Variants in ACTR8 observed in about 807,000 individuals in gnomAD.
ACTR8 encodes the protein actin related protein 8, also known as actin-related protein 8.
A neutral mutation model predicts 84.3 loss-of-function variants in ACTR8; 70 were observed. The observed-to-expected ratio is 0.83, with a 90% CI of 0.68 to 1.01. The LOEUF is 1.01. ACTR8 is among the 50% of genes least tolerant of loss of function. The pLI is 0.00. For synonymous variants in ACTR8, 268 were observed against 275.2 expected (o/e 0.97, Z 0.26); for missense variants, 672 against 775.4 (o/e 0.87, Z 1.58).
Position 53,873,028 on chromosome 3 carries a change from T to C in ACTR8, c.1161+4A>G, listed in dbSNP as rs1388646036. 3 of 1,603,204 alleles carry C rather than the reference T, an allele frequency of 1.9e-6. No homozygotes were observed. Among genetic ancestry groups the C allele is most frequent in the Non-Finnish European group, 1.7e-6 (2 of 1,172,164 alleles). ...ACCCATGGAAACAGATACCTATAAG[T>C]TACCTGCAGTTTTTCATCTCCTAAT... On this transcript the variant is annotated splice_donor_region_variant and intron_variant, in intron 9 of 12. Transcript: ENST00000335754.
chr3:53,874,488 G>A, intron 7 of ACTR8, 124 bp from the exon 8 acceptor site: 2 of 954,960 alleles, frequency 2.1e-6, no homozygotes, highest in Non-Finnish European at 3.0e-6. Flanking sequence ...ACTTTGGGAG[G>A]CTGAGATGAG....
At chr3:53,862,055 G>T in the ACTR8 span, among the ~76,000 whole-genome samples, 1 of 152,150 alleles carries the variant, frequency 6.6e-6, no homozygotes, top group African/African-American at 2.4e-5. Flanking sequence ...CAATAAGAAG[G>T]CCTGGACACT....
intron 3 of ACTR8, 25 bp downstream of exon 3, chr3:53,878,331 GA>G: frequency 6.8e-7 from 1 of 1,466,502 alleles, no homozygotes; most frequent in Non-Finnish European, 9.6e-7. Flanking sequence ...GGTGATAAAA[GA>G]ATAAATCTGA....
chr3:53,866,087 T>C (rs527853942), downstream of ACTR8, among the ~76,000 whole-genome samples: 2 of 152,372 alleles, frequency 1.3e-5, no homozygotes, highest in East Asian at 1.9e-4. Flanking sequence ...TGAGTTATTA[T>C]AATGGTTTAC....
downstream of ACTR8, chr3:53,864,863 T>C: frequency 1.9e-6 from 3 of 1,614,232 alleles, no homozygotes; most frequent in Non-Finnish European, 2.5e-6. Flanking sequence ...ACTGAATTTC[T>C]TCAAAACCAT....
chr3:53,876,553 G>C (rs749725651), intron 6 of ACTR8, 67 bp downstream of exon 6: 5 of 891,478 alleles, frequency 5.6e-6, no homozygotes, highest in Non-Finnish European at 9.0e-6. Flanking sequence ...CAGTAAATAA[G>C]ATTAACTCTG....
At chr3:53,875,515 T>G (rs744381) in intron 7 of ACTR8, among the ~76,000 whole-genome samples, 11,075 of 152,292 alleles carry the variant, frequency 0.073, 614 homozygotes, top group Middle Eastern at 0.16. Flanking sequence ...AGAACACCAC[T>G]ATGACAAAAA....
At chr3:53,877,131 A>G (rs1319952300) in intron 5 of ACTR8, 83 bp downstream of exon 5, 39 of 1,360,224 alleles carry the variant, frequency 2.9e-5, no homozygotes, top group Admixed American at 4.8e-5. Context: ...GAAGGACACT[A>G]TATTACAAAC....
rs1700034357 is a variant in ACTR8, at chr3:53,879,989, G to A, written c.244C>T (p.Gln82Ter). 6.2e-7 allele frequency: 1 copy of A among 1,614,020 alleles called. No individual in the cohort carries two copies. Among genetic ancestry groups the A allele is most frequent in the African/African-American group, 1.3e-5 (1 of 74,936 alleles). Residue 82 changes from glutamine (Q) to a stop codon, truncating the protein, a stop_gained, in exon 2 of 13, where the codon CAA becomes TAA. Coordinates refer to ENST00000335754, the MANE Select transcript of ACTR8 (RefSeq NM_022899.5). LOFTEE classifies it high-confidence loss of function. ...CTGTCCTTGTATAGGGGCTGCCCTT[G>A]TTGTTTGTGTCTTCGGGCAATGACG... The part of the protein sequence containing the change: ...PHVIARRHKQ[Q>*]GQPLYKDSWL...
At chr3:53,864,148 T>C (rs187809241), downstream of ACTR8, among the ~76,000 whole-genome samples, 56 of 152,256 alleles carry the variant, frequency 3.7e-4, no homozygotes, top group African/African-American at 1.3e-3. Flanking sequence ...ACCTAAAGTT[T>C]CTATGAATTT....
At chr3:53,862,125 CCCAGGAAGCGACTG>C (rs1699584246), downstream of ACTR8, among the ~76,000 whole-genome samples, 1 of 152,166 alleles carries the variant, frequency 6.6e-6, no homozygotes, top group African/African-American at 2.4e-5. Flanking sequence ...GAAGTACCTT[CCCAGGAAGCGACTG>C]CCTTTTAAAG....
chr3:53,866,321 G>A (rs1699776552), downstream of ACTR8, among the ~76,000 whole-genome samples: 1 of 152,010 alleles, frequency 6.6e-6, no homozygotes, highest in East Asian at 1.9e-4. Context: ...GAGGTCAAGG[G>A]TGCAGTAAAC....
chr3:53,865,247 A>G (rs759750212), downstream of ACTR8: 2 of 1,612,966 alleles, frequency 1.2e-6, no homozygotes, highest in East Asian at 4.5e-5. Flanking sequence ...CTCCATGTCA[A>G]GCAGCAGGTG....
chr3:53,865,836 G>A (rs144239548), downstream of ACTR8: 1 of 152,554 alleles, frequency 6.6e-6, no homozygotes, highest in East Asian at 1.9e-4. Flanking sequence ...GTAACCACTT[G>A]TATGATTTGG....
chr3:53,875,674 G>A (rs1014259555), intron 7 of ACTR8, among the ~76,000 whole-genome samples: 1 of 152,214 alleles, frequency 6.6e-6, no homozygotes, highest in Non-Finnish European at 1.5e-5. Context: ...TACTGTTTAC[G>A]TTTCCCCTAT....
rs1364377016 is a variant in ACTR8, at chr3:53,868,789, C to T, written c.1805G>A (p.Trp602Ter). Residue 602 changes from tryptophan to a stop codon, truncating the protein, a stop_gained, in exon 13 of 13, where the codon TGG (tryptophan) becomes TAG (stop). Coordinates refer to ENST00000335754, the MANE Select transcript of ACTR8 (RefSeq NM_022899.5). LOFTEE classifies it high-confidence loss of function. The part of the protein sequence containing the change: ...LACLDTTQEL[W>*]IYQREWQRFG... The stretch of plus-strand genomic sequence containing the variant: ...GCGCTGCCACTCTCGCTGATAAATC[C>T]ACAGTTCCTGTGTTGTATCCAAACA... 1 of 1,614,232 alleles carries T rather than the reference C, an allele frequency of 6.2e-7. No individual in the cohort carries two copies. The highest frequency in any genetic ancestry group is 8.5e-7 in the Non-Finnish European group (1 of 1,180,032).
Position 53,877,701 on chromosome 3 carries a change from C to T in ACTR8, c.456G>A (p.Ser152=), listed in dbSNP as rs1239547493. 6 of 1,614,056 alleles carry T rather than the reference C, an allele frequency of 3.7e-6. No individual in the cohort carries two copies. The highest frequency in any genetic ancestry group is 3.3e-5 in the South Asian group (3 of 91,076). The change falls in exon 4 of 13, where the codon TCG becomes TCA. Residue 152 remains serine (S), a synonymous_variant. Transcript: ENST00000335754. ...GAGATGTGTTTGTCCACTTATTTCC[C>T]GAACAGTGATCTAAAATTGCAGGTC... The part of the protein sequence containing the change: ...QMRPAILDHC[S]GNKWTNTSHH...
chr3:53,874,411 G>A lies in ACTR8; in HGVS notation c.912-47C>T, dbSNP rs1323547421. 6 of 1,574,394 alleles carry A rather than the reference G, an allele frequency of 3.8e-6. No individual in the cohort carries two copies. In the South Asian group the frequency reaches 7.0e-5, roughly 18 times the overall value. On this transcript the variant is annotated intron_variant, in intron 7 of 12. Coordinates refer to ENST00000335754, the MANE Select transcript of ACTR8 (RefSeq NM_022899.5). ...AGATGGTTAATCTGTTGGTTAAGAA[G>A]GTGCAAAAGGTGTTTGAAGAAATCC...
chr3:53,876,125 C>T (rs374223979), intron 6 of ACTR8, 45 bp from the exon 7 acceptor site: 101 of 1,606,286 alleles, frequency 6.3e-5, no homozygotes, highest in Middle Eastern at 3.3e-4. Context: ...AGCTGTAGCA[C>T]GGTAAAGATC....
Sources: allele counts gnomAD v4.1 joint callset (sites outside exome capture counted in the v4.1 genomes callset), GRCh38; gene constraint gnomAD v4.1.1; transcripts MANE v1.5; gene names NCBI Gene and HGNC (gene_info 2026-07-23, HGNC 2026-07-21).